The following ARHGAP15 variants were observed in gnomAD, a reference collection of about 807,000 sequenced individuals.
ARHGAP15 encodes Rho GTPase activating protein 15.
A neutral mutation model predicts 63.7 loss-of-function variants in ARHGAP15; 51 were observed. The ratio of observed to expected loss-of-function variants is 0.80; its 90% CI spans 0.64 to 1.01. The LOEUF (loss-of-function observed/expected upper bound fraction) is 1.01. Ranked by LOEUF, ARHGAP15 falls within the 50% of genes least tolerant of loss-of-function variation. The pLI, the probability that ARHGAP15 is intolerant of heterozygous loss-of-function variation, is 0.00. For missense variants in ARHGAP15, 560 were observed against 564.6 expected (o/e 0.99, Z 0.08); for synonymous variants, 191 against 193.8 (o/e 0.99, Z 0.12).
intron 8 of ARHGAP15, among the ~76,000 whole-genome samples, chr2:143,443,562 G>A (rs753542226): frequency 1.3e-5 from 2 of 151,910 alleles, no homozygotes; most frequent in African/African-American, 2.4e-5. Flanking sequence ...TTATAAGACA[G>A]ACAATATCTA....
At chr2:143,276,916 G>A (rs547536570) in intron 6 of ARHGAP15, among the ~76,000 whole-genome samples, 1 of 152,176 alleles carries the variant, frequency 6.6e-6, no homozygotes, top group Non-Finnish European at 1.5e-5. Flanking sequence ...CATTGGCTTA[G>A]CTTTAGGCAC....
intron 12 of ARHGAP15, among the ~76,000 whole-genome samples, chr2:143,631,793 A>C (rs77875328): frequency 6.6e-6 from 1 of 152,004 alleles, no homozygotes; most frequent in Admixed American, 6.6e-5. Context: ...AAGAGCAGAC[A>C]TTTTTAATTT....
intron 10 of ARHGAP15, among the ~76,000 whole-genome samples, chr2:143,525,251 T>C (rs1694217391): frequency 1.3e-5 from 2 of 152,100 alleles, no homozygotes; most frequent in Admixed American, 1.3e-4. Context: ...TGAAAACTTT[T>C]ATGATTCTAT....
At chr2:143,636,415 T>A (rs1271072239) in intron 12 of ARHGAP15, among the ~76,000 whole-genome samples, 1 of 152,148 alleles carries the variant, frequency 6.6e-6, no homozygotes, top group Non-Finnish European at 1.5e-5. Context: ...TTAGAAAAAG[T>A]CGTCAGGAAA....
At chr2:143,552,986 G>A (rs1695638691) in intron 10 of ARHGAP15, among the ~76,000 whole-genome samples, 1 of 152,196 alleles carries the variant, frequency 6.6e-6, no homozygotes, top group African/African-American at 2.4e-5. Flanking sequence ...AATCCAGCAA[G>A]GATAATGTGG....
At chr2:143,601,794 G>C (rs1697781921) in intron 11 of ARHGAP15, among the ~76,000 whole-genome samples, 1 of 152,114 alleles carries the variant, frequency 6.6e-6, no homozygotes, top group Admixed American at 6.6e-5. Flanking sequence ...CCACTCAATT[G>C]TTCCTGACTT....
At chr2:143,617,145 A>C (rs1027898890) in intron 11 of ARHGAP15, among the ~76,000 whole-genome samples, 2 of 152,220 alleles carry the variant, frequency 1.3e-5, no homozygotes, top group African/African-American at 4.8e-5. Context: ...TCCAGCTTCA[A>C]ATCTGTTCTC....
chr2:143,644,643 G>C (rs1026018978), intron 12 of ARHGAP15, among the ~76,000 whole-genome samples: 1 of 152,046 alleles, frequency 6.6e-6, no homozygotes, highest in Non-Finnish European at 1.5e-5. Flanking sequence ...TTTTTACAGT[G>C]ACTGGAACGT....
At chr2:143,673,915 C>T (rs1247318308) in intron 12 of ARHGAP15, among the ~76,000 whole-genome samples, 2 of 150,394 alleles carry the variant, frequency 1.3e-5, no homozygotes, top group Non-Finnish European at 3.0e-5. Context: ...TATTAAAAGT[C>T]ACCAGTGGAT....
In ARHGAP15 at chr2:143,570,338, C is replaced by T. The variant is rs114887223; in HGVS notation, c.1003+13853C>T. ...ATTTTAAATCCTATGTTTACAACTTCAACTACTCAATTTACAATAACCTCA... is the reference window on the plus strand; with the variant it reads ...ATTTTAAATCCTATGTTTACAACTTTAACTACTCAATTTACAATAACCTCA... On this transcript the variant is annotated intron_variant, in intron 11 of 13. Coordinates refer to ENST00000295095, the MANE Select transcript of ARHGAP15 (RefSeq NM_018460.4). 6.3e-3 allele frequency among the ~76,000 whole-genome samples: 967 copies of T among 152,312 alleles called. 8 individuals carry two copies. Among genetic ancestry groups the T allele is most frequent in the African/African-American group, 0.022 (916 of 41,562 alleles).
chr2:143,673,754 G>GTATATATATATATA (rs1166388931), intron 12 of ARHGAP15, among the ~76,000 whole-genome samples: 19 of 31,396 alleles, frequency 6.1e-4, no homozygotes, highest in South Asian at 2.0e-3. Context: ...GTGTGTGTGT[G>GTATATATATATATA]TGTGTATATA....
At chr2:143,709,764 T>C (rs1002571683) in intron 13 of ARHGAP15, among the ~76,000 whole-genome samples, 4 of 151,544 alleles carry the variant, frequency 2.6e-5, no homozygotes, top group Non-Finnish European at 4.4e-5. Context: ...CCTAGAAATA[T>C]AAGGGTTGTA....
intron 11 of ARHGAP15, among the ~76,000 whole-genome samples, chr2:143,569,374 G>A (rs1433213735): frequency 2.6e-5 from 4 of 152,150 alleles, no homozygotes; most frequent in Admixed American, 6.5e-5. Flanking sequence ...AATCAAGATC[G>A]TGATGTAATA....
At chr2:143,493,203 GC>G (rs756195655) in intron 9 of ARHGAP15, among the ~76,000 whole-genome samples, 5 of 152,160 alleles carry the variant, frequency 3.3e-5, no homozygotes, top group Admixed American at 6.5e-5. Flanking sequence ...AAAGGGTAAG[GC>G]CCCTGATTAT....
chr2:143,206,843 C>A (rs1190923020), intron 3 of ARHGAP15, among the ~76,000 whole-genome samples: 1 of 151,758 alleles, frequency 6.6e-6, no homozygotes, highest in Non-Finnish European at 1.5e-5. Context: ...AAAAATAACA[C>A]ATAAAAAGTT....
At chr2:143,231,357 G>C (rs1160449222) in intron 5 of ARHGAP15, among the ~76,000 whole-genome samples, 1 of 152,040 alleles carries the variant, frequency 6.6e-6, no homozygotes, top group Non-Finnish European at 1.5e-5. Context: ...ATTTATAGAA[G>C]AGAGAATATA....
intron 1 of ARHGAP15, among the ~76,000 whole-genome samples, chr2:143,134,113 ATCT>A (rs1558765360): frequency 9.8e-5 from 3 of 30,462 alleles, no homozygotes; most frequent in African/African-American, 2.2e-4. Context: ...AAATCTATCT[ATCT>A]ATCTATCTAT....
At chr2:143,410,890 A>T in intron 6 of ARHGAP15, among the ~76,000 whole-genome samples, 1 of 151,454 alleles carries the variant, frequency 6.6e-6, no homozygotes, top group Non-Finnish European at 1.5e-5. Context: ...AGCTTCAATC[A>T]GAGTAAAATA....
intron 6 of ARHGAP15, among the ~76,000 whole-genome samples, chr2:143,302,868 A>ATAT (rs1468309044): frequency 1.6e-4 from 24 of 152,074 alleles, no homozygotes; most frequent in African/African-American, 4.8e-4. Context: ...AAAAGGGCTT[A>ATAT]TATCTTTGAA....
Sources: gnomAD v4.1 joint callset for allele counts (sites outside exome capture counted in the v4.1 genomes callset) on GRCh38, gnomAD v4.1.1 for gene constraint, MANE v1.5 for transcripts, NCBI Gene and HGNC (gene_info 2026-07-23, HGNC 2026-07-21) for gene names.